The following ANLN variants were observed in gnomAD, a reference collection of about 807,000 sequenced individuals.
ANLN encodes the protein anillin.
In ANLN, 59 loss-of-function variants were observed where a neutral mutation model predicts 135.1. The ratio of observed to expected loss-of-function variants is 0.44; its 90% CI spans 0.35 to 0.54. The LOEUF (loss-of-function observed/expected upper bound fraction) is 0.54, where lower values mean the gene tolerates loss of function less well. ANLN is among the 20% of genes least tolerant of loss of function. ANLN has a pLI of 0.00. For synonymous variants in ANLN, 406 were observed against 456.4 expected (o/e 0.89, Z 1.41); for missense variants, 1,182 against 1,340.0 (o/e 0.88, Z 1.84).
chr7:36,427,460 T>A (rs1414792420), intron 20 of ANLN, among the ~76,000 whole-genome samples: 2 of 151,584 alleles, frequency 1.3e-5, no homozygotes, highest in African/African-American at 4.9e-5. Flanking sequence ...CCTCGCGGGC[T>A]CCCACCTTAG....
At chr7:36,406,882 T>G (rs905946051) in intron 4 of ANLN, among the ~76,000 whole-genome samples, 1 of 152,152 alleles carries the variant, frequency 6.6e-6, no homozygotes, top group African/African-American at 2.4e-5. Flanking sequence ...TCTGTTATAA[T>G]GCTTTAAATA....
chr7:36,448,747 T>A (rs1177436697), intron 22 of ANLN, among the ~76,000 whole-genome samples: 36 of 152,358 alleles, frequency 2.4e-4, no homozygotes, highest in African/African-American at 8.2e-4. Context: ...CCCCTATTAC[T>A]GTCATTGAAT....
chr7:36,423,956 G>C lies in ANLN; in HGVS notation c.2603+13G>C. On this transcript the variant is annotated intron_variant, in intron 15 of 23. Transcript: ENST00000265748. Reference sequence around the variant, plus strand: ...CTACATTTACTCTGTAAGTAAATCAGGCTTTTGATGATTCGAATGCATTTT... The same window carrying C: ...CTACATTTACTCTGTAAGTAAATCACGCTTTTGATGATTCGAATGCATTTT... 1 of 1,598,734 alleles carries C rather than the reference G, an allele frequency of 6.3e-7. No homozygotes were observed. Among genetic ancestry groups the C allele is most frequent in the Non-Finnish European group, 8.5e-7 (1 of 1,173,436 alleles).
intron 22 of ANLN, among the ~76,000 whole-genome samples, chr7:36,447,935 C>T (rs1267702666): frequency 2.6e-5 from 4 of 152,062 alleles, no homozygotes; most frequent in Admixed American, 2.6e-4. Flanking sequence ...TTGGTCCTTG[C>T]TTTTTCCATA....
In ANLN at chr7:36,411,899, G is replaced by C. The variant is rs554960596; in HGVS notation, c.1395+733G>C. Among the ~76,000 whole-genome samples the C allele has an allele frequency of 3.9e-5, 6 of 152,068 alleles. No individual in the cohort carries two copies. In the South Asian group the frequency reaches 1.2e-3, roughly 32 times the overall value. ...TTCCCTGTCCACATACCTAGATTCCGATAATCACTGAAATGCTGATGATGC... is the reference window on the plus strand; with the variant it reads ...TTCCCTGTCCACATACCTAGATTCCCATAATCACTGAAATGCTGATGATGC... On this transcript the variant is annotated intron_variant, in intron 7 of 23. Transcript: ENST00000265748.
At chr7:36,443,001 A>G (rs1349130071) in intron 21 of ANLN, among the ~76,000 whole-genome samples, 3 of 151,888 alleles carry the variant, frequency 2.0e-5, no homozygotes, top group Non-Finnish European at 2.9e-5. Context: ...TGTTATGACT[A>G]TAACTAAAAA....
chr7:36,431,597 G>GTGTGTATATATA (rs1306528982), intron 20 of ANLN, among the ~76,000 whole-genome samples: 2 of 27,444 alleles, frequency 7.3e-5, no homozygotes, highest in African/African-American at 1.7e-4. Flanking sequence ...GTGTGTGTGT[G>GTGTGTATATATA]TATATATATA....
At chr7:36,447,511 G>A (rs188542485) in intron 22 of ANLN, among the ~76,000 whole-genome samples, 1 of 137,610 alleles carries the variant, frequency 7.3e-6, no homozygotes, top group Non-Finnish European at 1.5e-5. Flanking sequence ...TGCAAGCACC[G>A]CCTCCCGGGT....
chr7:36,434,737 G>A (rs1444738544), intron 20 of ANLN, among the ~76,000 whole-genome samples: 1 of 152,058 alleles, frequency 6.6e-6, no homozygotes, highest in Non-Finnish European at 1.5e-5. Context: ...AGTGGTGCAT[G>A]CCTGTAACCC....
chr7:36,445,161 CTTTTTTT>C (rs70977145), intron 22 of ANLN, among the ~76,000 whole-genome samples: 9 of 57,822 alleles, frequency 1.6e-4, no homozygotes, highest in Admixed American at 2.5e-4. Flanking sequence ...ATTTGGGATT[CTTTTTTT>C]TTTTTTTTTT....
chr7:36,399,405 A>G lies in ANLN; in HGVS notation c.487+12A>G. 6.3e-7 allele frequency: 1 copy of G among 1,582,226 alleles called. No individual in the cohort carries two copies. The highest frequency in any genetic ancestry group is 8.6e-7 in the Non-Finnish European group (1 of 1,162,428). ...TGATGATATGACAGGTATGAATTGTATAGATGGTATGGCCCATACATCTGT... is the reference window on the plus strand; with the variant it reads ...TGATGATATGACAGGTATGAATTGTGTAGATGGTATGGCCCATACATCTGT... On this transcript the variant is annotated intron_variant, in intron 3 of 23. Coordinates refer to ENST00000265748, the MANE Select transcript of ANLN (RefSeq NM_018685.5).
At chr7:36,432,894 C>A (rs1200665644) in intron 20 of ANLN, among the ~76,000 whole-genome samples, 3 of 152,206 alleles carry the variant, frequency 2.0e-5, no homozygotes, top group Non-Finnish European at 4.4e-5. Context: ...ATGAACCTCA[C>A]AACAGTATAG....
intron 1 of ANLN, among the ~76,000 whole-genome samples, chr7:36,392,069 T>G (rs542999090): frequency 6.6e-6 from 1 of 152,140 alleles, no homozygotes; most frequent in Non-Finnish European, 1.5e-5. Flanking sequence ...ACAAGAATAC[T>G]ACAAAGAAAC....
chr7:36,449,877 T>C, intron 23 of ANLN, 40 bp downstream of exon 23: 1 of 1,588,280 alleles, frequency 6.3e-7, no homozygotes, highest in Non-Finnish European at 8.6e-7. Flanking sequence ...AACTAAGCAA[T>C]TGATTGCCCA....
intron 20 of ANLN, chr7:36,428,469 T>C: frequency 2.0e-6 from 1 of 507,734 alleles, no homozygotes; most frequent in Non-Finnish European, 3.2e-6. Context: ...CTTTGAATAA[T>C]TAAGGACATT....
intron 17 of ANLN, among the ~76,000 whole-genome samples, chr7:36,425,488 G>T (rs1017257291): frequency 6.6e-6 from 1 of 151,874 alleles, no homozygotes; most frequent in Non-Finnish European, 1.5e-5. Context: ...CAGAGAGGGG[G>T]TTTCACCATG....
At chr7:36,403,858 G>A (rs1424903989) in intron 3 of ANLN, among the ~76,000 whole-genome samples, 1 of 152,148 alleles carries the variant, frequency 6.6e-6, no homozygotes, top group Non-Finnish European at 1.5e-5. Context: ...CGTAGGTTTT[G>A]CCGTGTTGCC....
chr7:36,408,881 CA>C (rs1425372241), intron 5 of ANLN, among the ~76,000 whole-genome samples: 1 of 152,150 alleles, frequency 6.6e-6, no homozygotes, highest in Non-Finnish European at 1.5e-5. Flanking sequence ...TTGAGAAACA[CA>C]GGACTAAAAT....
chr7:36,424,069 A>G (rs2116681819), intron 15 of ANLN, 126 bp downstream of exon 15: 1 of 980,108 alleles, frequency 1.0e-6, no homozygotes, highest in Non-Finnish European at 1.4e-6. Flanking sequence ...TTATATTGAC[A>G]AATAACCCAT....
Sources: gnomAD v4.1 joint callset for allele counts (sites outside exome capture counted in the v4.1 genomes callset) on GRCh38, gnomAD v4.1.1 for gene constraint, MANE v1.5 for transcripts, NCBI Gene and HGNC (gene_info 2026-07-23, HGNC 2026-07-21) for gene names.